Variants in PDE2A observed in about 807,000 individuals in gnomAD.
PDE2A encodes phosphodiesterase 2A, also known as cGMP-dependent 3',5'-cyclic phosphodiesterase.
PDE2A carries 53 observed loss-of-function variants against 133.6 expected under a neutral mutation model. That is an observed-to-expected ratio of 0.40 (90% CI 0.32 to 0.50). The LOEUF (loss-of-function observed/expected upper bound fraction) is 0.50. Ranked by LOEUF, PDE2A falls within the 20% of genes least tolerant of loss-of-function variation. The pLI is 0.73. For synonymous variants in PDE2A, 491 were observed against 490.2 expected (o/e 1.00, Z -0.02); for missense variants, 796 against 1,232.4 (o/e 0.65, Z 5.30).
intron 1 of PDE2A, among the ~76,000 whole-genome samples, chr11:72,672,109 A>G (rs1432391768): frequency 2.0e-5 from 3 of 150,100 alleles, no homozygotes; most frequent in African/African-American, 4.9e-5. Flanking sequence ...TCCTGGCCCC[A>G]CCTCTCTCTT....
At chr11:72,636,318 T>G (rs768476265) in intron 2 of PDE2A, among the ~76,000 whole-genome samples, 1 of 152,250 alleles carries the variant, frequency 6.6e-6, no homozygotes, top group Admixed American at 6.5e-5. Context: ...TTTTCATAAA[T>G]TTACATTTTT....
intron 2 of PDE2A, among the ~76,000 whole-genome samples, chr11:72,615,955 C>T: frequency 6.6e-6 from 1 of 152,118 alleles, no homozygotes; most frequent in East Asian, 1.9e-4. Context: ...TGAGAAAGGC[C>T]CCTGGTGAGG....
chr11:72,673,827 A>C (rs1591154931), intron 1 of PDE2A, among the ~76,000 whole-genome samples: 1 of 149,064 alleles, frequency 6.7e-6, no homozygotes, highest in Admixed American at 6.7e-5. Flanking sequence ...CCCCACATAC[A>C]CCCTCAGCCC....
chr11:72,634,195 C>T (rs866399753), intron 2 of PDE2A, among the ~76,000 whole-genome samples: 1 of 152,096 alleles, frequency 6.6e-6, no homozygotes, highest in Non-Finnish European at 1.5e-5. Flanking sequence ...GGCAGAGTCA[C>T]GACAGGAGGG....
intron 1 of PDE2A, among the ~76,000 whole-genome samples, chr11:72,672,304 C>A (rs900751249): frequency 2.6e-5 from 4 of 152,166 alleles, no homozygotes; most frequent in African/African-American, 7.2e-5. Flanking sequence ...ATGCCTCAGC[C>A]TTCTAAGTAG....
intron 18 of PDE2A, 86 bp downstream of exon 18, chr11:72,584,465 G>T: frequency 5.6e-6 from 8 of 1,438,960 alleles, no homozygotes; most frequent in African/African-American, 1.4e-5. Flanking sequence ...CGCTGGAGGC[G>T]GTGGGGAAGT....
chr11:72,640,774 GCT>G (rs1165287395), intron 2 of PDE2A, among the ~76,000 whole-genome samples: 3 of 151,972 alleles, frequency 2.0e-5, no homozygotes, highest in African/African-American at 7.3e-5. Flanking sequence ...CTGTATGCAA[GCT>G]GTCCCTACAA....
chr11:72,670,213 G>A (rs1202672359), intron 1 of PDE2A, among the ~76,000 whole-genome samples: 1 of 150,540 alleles, frequency 6.6e-6, no homozygotes, highest in Admixed American at 6.6e-5. Flanking sequence ...AGCCCCAATG[G>A]CCCCTCCTCC....
chr11:72,657,977 G>A (rs1386651304), intron 1 of PDE2A: 1 of 456,288 alleles, frequency 2.2e-6, no homozygotes. Flanking sequence ...GAGGAGGGGT[G>A]GAGGGAAGAG....
chr11:72,647,566 C>G (rs984532969), intron 1 of PDE2A, among the ~76,000 whole-genome samples: 1 of 152,252 alleles, frequency 6.6e-6, no homozygotes, highest in Admixed American at 6.5e-5. Flanking sequence ...GACTTGCTCT[C>G]TCTGTGACCT....
chr11:72,646,966 G>A (rs1859143211), intron 1 of PDE2A, among the ~76,000 whole-genome samples: 1 of 152,150 alleles, frequency 6.6e-6, no homozygotes, highest in Non-Finnish European at 1.5e-5. Context: ...ACGAGAAGTA[G>A]CCCCCACCAT....
chr11:72,618,262 G>A (rs543535447), intron 2 of PDE2A, among the ~76,000 whole-genome samples: 1 of 152,200 alleles, frequency 6.6e-6, no homozygotes, highest in Admixed American at 6.5e-5. Flanking sequence ...CAGCGCCCCA[G>A]TCTGATTCCC....
In PDE2A at chr11:72,596,735, A is replaced by T; in HGVS notation, c.434-87T>A. 3.8e-6 allele frequency: 3 copies of T among 784,954 alleles called. No individual in the cohort carries two copies. In the South Asian group the frequency reaches 1.0e-4, roughly 27 times the overall value. The allele number at this position is 784,954 out of a possible 1,614,324, so 48.6% of individuals were successfully genotyped here. A position where few individuals can be genotyped will look rare whatever the true frequency, so the allele number is the denominator to read the frequency against. On this transcript the variant is annotated intron_variant, in intron 5 of 30. Transcript: ENST00000334456. ...CGGGACCCAGGTGGGGGAGACAAAG[A>T]TGCAGACAAAGAGAGGCCAGGACAG...
chr11:72,636,107 C>G, intron 2 of PDE2A: 1 of 1,231,538 alleles, frequency 8.1e-7, no homozygotes, highest in Non-Finnish European at 1.1e-6. Flanking sequence ...AGAATGCCTG[C>G]CCCCTGAAGC....
At chr11:72,620,206 C>G (rs2135393615) in intron 2 of PDE2A, among the ~76,000 whole-genome samples, 1 of 152,302 alleles carries the variant, frequency 6.6e-6, no homozygotes, top group South Asian at 2.1e-4. Flanking sequence ...TAGAGGGTCT[C>G]TGATTATAGG....
chr11:72,622,232 G>T lies in PDE2A; in HGVS notation c.145-13481C>A, dbSNP rs997377225. Among the ~76,000 whole-genome samples, 8 of 152,238 alleles carry T rather than the reference G, an allele frequency of 5.3e-5. No individual in the cohort carries two copies. In the East Asian group the frequency reaches 7.7e-4, roughly 15 times the overall value. ...AAATAACACATGTTGGCAAGGATGT[G>T]GAGAAACTGAAACCCCTGTACACTG... On this transcript the variant is annotated intron_variant, in intron 2 of 30. Coordinates refer to ENST00000334456, the MANE Select transcript of PDE2A (RefSeq NM_002599.5).
intron 1 of PDE2A, among the ~76,000 whole-genome samples, chr11:72,670,512 A>T (rs1318592349): frequency 6.6e-6 from 1 of 152,014 alleles, no homozygotes; most frequent in African/African-American, 2.4e-5. Context: ...ACTCTCATAA[A>T]ACCAAGAGAC....
chr11:72,634,206 C>T (rs1287220369), intron 2 of PDE2A, among the ~76,000 whole-genome samples: 1 of 152,106 alleles, frequency 6.6e-6, no homozygotes, highest in African/African-American at 2.4e-5. Flanking sequence ...GACAGGAGGG[C>T]CCGGGGAGGC....
chr11:72,604,076 G>A (rs551972703), intron 4 of PDE2A, among the ~76,000 whole-genome samples: 2 of 152,346 alleles, frequency 1.3e-5, no homozygotes, highest in South Asian at 4.1e-4. Flanking sequence ...GGGGTAGAGA[G>A]CTGCCTTCTT....
Sources: allele counts gnomAD v4.1 joint callset (sites outside exome capture counted in the v4.1 genomes callset), GRCh38; gene constraint gnomAD v4.1.1; transcripts MANE v1.5; gene names NCBI Gene and HGNC (gene_info 2026-07-23, HGNC 2026-07-21).